SCUBE1: variants seen among roughly 807,000 people sequenced by gnomAD.
The protein encoded by SCUBE1 is signal peptide, CUB and EGF-like domain-containing protein 1.
In SCUBE1, 59 loss-of-function variants were observed where a neutral mutation model predicts 124.4. The observed-to-expected ratio is 0.47, with a 90% CI of 0.38 to 0.59. The LOEUF (loss-of-function observed/expected upper bound fraction) is 0.59. SCUBE1 is among the 20% of genes least tolerant of loss of function. SCUBE1 has a pLI of 0.00. For synonymous variants in SCUBE1, 545 were observed against 550.9 expected (o/e 0.99, Z 0.15); for missense variants, 1,150 against 1,371.2 (o/e 0.84, Z 2.55).
intron 3 of SCUBE1, 24 bp downstream of exon 3, chr22:43,319,913 G>A (rs1427353242): frequency 6.2e-7 from 1 of 1,613,050 alleles, no homozygotes; most frequent in South Asian, 1.1e-5. Context: ...TGCCCAGAGG[G>A]TAGGCTACAG....
Position 43,210,254 on chromosome 22 carries a change from GGCCCGAGGGC to G in SCUBE1, c.2384-24_2384-15del. On this transcript the variant is annotated splice_polypyrimidine_tract_variant and intron_variant, in intron 18 of 21. Coordinates refer to ENST00000360835, the MANE Select transcript of SCUBE1 (RefSeq NM_173050.5). This position sits in a 1 kb window ranked among gnomAD's most constrained non-coding sequence, Gnocchi z 4.5. ...CGCAGTGCTGGTCTGTGGGCACAGTGGCCCGAGGGCCTCATCAGGCTCTGCTGGGCAGGGG... is the reference window on the plus strand; with the variant it reads ...CGCAGTGCTGGTCTGTGGGCACAGTGCTCATCAGGCTCTGCTGGGCAGGGG... The G allele has an allele frequency of 6.7e-7, 1 of 1,501,944 alleles. No individual in the cohort carries two copies. Among genetic ancestry groups the G allele is most frequent in the South Asian group, 1.3e-5 (1 of 76,618 alleles). The allele number at this position is 1,501,944 out of a possible 1,614,324, so 93.0% of individuals were successfully genotyped here.
chr22:43,291,290 G>A (rs1925347825), intron 3 of SCUBE1, 110 bp from the exon 4 acceptor site: 1 of 1,246,608 alleles, frequency 8.0e-7, no homozygotes, highest in Non-Finnish European at 1.1e-6. Context: ...GGCCCTGAAG[G>A]GAGGGACTCC....
Position 43,211,136 on chromosome 22 carries a change from G to A in SCUBE1, c.2222-53C>T, listed in dbSNP as rs1473138357. 2.6e-6 allele frequency: 4 copies of A among 1,539,524 alleles called. No individual in the cohort carries two copies. The highest frequency in any genetic ancestry group is 1.4e-5 in the African/African-American group (1 of 73,438). On this transcript the variant is annotated intron_variant, in intron 17 of 21. Transcript: ENST00000360835. The surrounding 1 kb of genome is among the most constrained non-coding windows in gnomAD (Gnocchi z 4.5). Reference sequence around the variant, plus strand: ...GGGTGTGGAGGGGTGCAGGGAAAGGGCAGCACTGGGGTGCTGTCCCCAGGA... The same window carrying A: ...GGGTGTGGAGGGGTGCAGGGAAAGGACAGCACTGGGGTGCTGTCCCCAGGA...
At chr22:43,270,674 T>C (rs760784827) in intron 4 of SCUBE1, 3 of 152,212 alleles carry the variant, frequency 2.0e-5, no homozygotes, top group Non-Finnish European at 2.9e-5. Context: ...TTCAGAGAAG[T>C]GGAGCGATTT....
intron 6 of SCUBE1, among the ~76,000 whole-genome samples, chr22:43,250,382 G>C (rs1040807355): frequency 5.9e-5 from 9 of 152,352 alleles, no homozygotes; most frequent in East Asian, 1.9e-4. Flanking sequence ...AGTACGGAGG[G>C]ACAGGGAAGG....
At chr22:43,294,169 C>T (rs950369974) in intron 3 of SCUBE1, among the ~76,000 whole-genome samples, 23 of 152,372 alleles carry the variant, frequency 1.5e-4, no homozygotes, top group Middle Eastern at 3.4e-3. Flanking sequence ...CCTCTGCACC[C>T]TTTTCCCACT....
rs750970739 is a variant in SCUBE1, at chr22:43,227,537, G to A, written c.1085-41C>T. On this transcript the variant is annotated intron_variant, in intron 9 of 21. Transcript: ENST00000360835. The stretch of plus-strand genomic sequence containing the variant: ...GCGTAAGGGCAGAGGGGAGGCTGGC[G>A]GCTGGCGGCTGGCAGGGGAAGGGAC... 76 of 1,593,136 alleles carry A rather than the reference G, an allele frequency of 4.8e-5. 1 individual carries two copies. In the South Asian group the frequency reaches 5.7e-4, roughly 12 times the overall value.
At position 43,264,603 on chromosome 22, in the gene SCUBE1, C is replaced by T. The variant is rs541911887; in HGVS notation, c.485-1758G>A. Among the ~76,000 whole-genome samples the T allele has an allele frequency of 3.9e-5, 6 of 152,328 alleles. No homozygotes were observed. In the East Asian group the frequency reaches 1.2e-3, roughly 29 times the overall value. On this transcript the variant is annotated intron_variant, in intron 4 of 21. Transcript: ENST00000360835. ...TGGGTGGTGGCCAGCAAGCCATCTCCCTGACCGTTACTGACAGCTGTTGTC... is the reference window on the plus strand; with the variant it reads ...TGGGTGGTGGCCAGCAAGCCATCTCTCTGACCGTTACTGACAGCTGTTGTC...
rs112447718 is a variant in SCUBE1, at chr22:43,280,740, G to A, written c.484+10306C>T. On this transcript the variant is annotated intron_variant, in intron 4 of 21. Transcript: ENST00000360835. ...CCACCCTCCTGTCACCTTCCTCCTC[G>A]GCCACCCTCCTGTCACCTCCCTCAT... Among the ~76,000 whole-genome samples the A allele has an allele frequency of 1.1e-4, 15 of 140,168 alleles. No homozygotes were observed. The East Asian group carries it at 1.2e-3, about 11-fold the overall frequency. The allele number at this position is 140,168 out of a possible 152,430, so 92.0% of individuals were successfully genotyped here.
chr22:43,244,093 G>C (rs113616413), intron 6 of SCUBE1, among the ~76,000 whole-genome samples: 2 of 152,074 alleles, frequency 1.3e-5, no homozygotes, highest in Admixed American at 1.3e-4. Context: ...AGTGGCGGGG[G>C]GCATGAAATA....
At position 43,198,527 on chromosome 22, in the gene SCUBE1, G is replaced by C; in HGVS notation, c.*5470C>G. Reference sequence around the variant, plus strand: ...TGTGGGGGCAGAGGCAGCCGCGGTAGAATAGGAGGCGCTCTCTGCTCTCTC... The same window carrying C: ...TGTGGGGGCAGAGGCAGCCGCGGTACAATAGGAGGCGCTCTCTGCTCTCTC... On this transcript the variant is annotated 3_prime_UTR_variant, in exon 22 of 22. Transcript: ENST00000360835. 1 of 456,612 alleles carries C rather than the reference G, an allele frequency of 2.2e-6. No individual in the cohort carries two copies. The highest frequency in any genetic ancestry group is 1.5e-5 in the South Asian group (1 of 64,566). The allele number at this position is 456,612 out of a possible 1,614,324, so 28.3% of individuals were successfully genotyped here.
At chr22:43,305,136 C>G (rs1157341610) in intron 3 of SCUBE1, among the ~76,000 whole-genome samples, 1 of 152,088 alleles carries the variant, frequency 6.6e-6, no homozygotes, top group Middle Eastern at 3.4e-3. Context: ...AGAGTCCTGC[C>G]GGAATACGGA....
intron 16 of SCUBE1, among the ~76,000 whole-genome samples, 178 bp downstream of exon 16, chr22:43,213,912 G>T (rs1012826866): frequency 6.6e-6 from 1 of 152,212 alleles, no homozygotes; most frequent in African/African-American, 2.4e-5. Flanking sequence ...CACGCACTTT[G>T]TAAGTGATGA....
chr22:43,276,255 A>G (rs1924512704), intron 4 of SCUBE1, among the ~76,000 whole-genome samples: 1 of 152,214 alleles, frequency 6.6e-6, no homozygotes, highest in African/African-American at 2.4e-5. Flanking sequence ...ACTGCTGGTC[A>G]GCAAGGAGAC....
chr22:43,302,484 G>A (rs1925811712), intron 3 of SCUBE1, among the ~76,000 whole-genome samples: 1 of 152,214 alleles, frequency 6.6e-6, no homozygotes, highest in African/African-American at 2.4e-5. Flanking sequence ...CTAGATCACA[G>A]GCAGGGCAGG....
chr22:43,339,295 A>AGG, intron 1 of SCUBE1, 60 bp from the exon 2 acceptor site: 1 of 1,561,612 alleles, frequency 6.4e-7, no homozygotes, highest in South Asian at 1.1e-5. Flanking sequence ...CAGGTGGCCG[A>AGG]TAGTGTAGGG....
chr22:43,198,010 G>C lies in SCUBE1; in HGVS notation c.*5987C>G, dbSNP rs1920953889. ...AGAGACATTTCCTACCCTTGGATTAGATGGGCTTGAGTTTGATTCCCAAAT... is the reference window on the plus strand; with the variant it reads ...AGAGACATTTCCTACCCTTGGATTACATGGGCTTGAGTTTGATTCCCAAAT... On this transcript the variant is annotated 3_prime_UTR_variant, in exon 22 of 22. Transcript: ENST00000360835. 1 of 154,006 alleles carries C rather than the reference G, an allele frequency of 6.5e-6. No homozygotes were observed. The highest frequency in any genetic ancestry group is 1.4e-5 in the Non-Finnish European group (1 of 69,328). 9.5% of individuals were successfully genotyped at this position (154,006 alleles called of 1,614,324 possible). A position where few individuals can be genotyped will look rare whatever the true frequency, so the allele number is the denominator to read the frequency against.
At chr22:43,205,105 G>A (rs953640949) in intron 21 of SCUBE1, among the ~76,000 whole-genome samples, 2 of 152,144 alleles carry the variant, frequency 1.3e-5, no homozygotes, top group African/African-American at 4.8e-5. Flanking sequence ...CTGGACCTCG[G>A]GAACATCGCT....
At chr22:43,253,136 G>A (rs1048016192) in intron 6 of SCUBE1, among the ~76,000 whole-genome samples, 29 of 151,846 alleles carry the variant, frequency 1.9e-4, no homozygotes, top group African/African-American at 7.0e-4. Context: ...GGATGGGAAC[G>A]GTCACCTCCC....
Sources: allele counts gnomAD v4.1 joint callset (sites outside exome capture counted in the v4.1 genomes callset), GRCh38; gene constraint gnomAD v4.1.1; non-coding constraint Gnocchi (gnomAD v3.1); transcripts MANE v1.5; gene names NCBI Gene and HGNC (gene_info 2026-07-23, HGNC 2026-07-21).